CAMK2A: variants seen among roughly 807,000 people sequenced by gnomAD.
CAMK2A encodes calcium/calmodulin-dependent protein kinase type II subunit alpha.
Under a neutral mutation model 79.2 loss-of-function variants are expected in CAMK2A, and 7 were observed. The ratio of observed to expected loss-of-function variants is 0.09; its 90% CI spans 0.05 to 0.17. CAMK2A has a LOEUF of 0.17. CAMK2A is among the 10% of genes least tolerant of loss of function. CAMK2A has a pLI of 1.00. For synonymous variants in CAMK2A, 242 were observed against 251.7 expected, an observed-to-expected ratio of 0.96 and a Z score of 0.36; for missense variants, 214 against 646.4, an observed-to-expected ratio of 0.33 and a Z score of 7.25.
intron 13 of CAMK2A, among the ~76,000 whole-genome samples, chr5:150,244,860 G>A (rs1336530038): frequency 1.3e-5 from 2 of 152,136 alleles, no homozygotes; most frequent in African/African-American, 2.4e-5. Context: ...CAGCCTCGGA[G>A]AACCACAGAA....
intron 16 of CAMK2A, among the ~76,000 whole-genome samples, chr5:150,229,110 C>T (rs1754731646): frequency 1.3e-5 from 2 of 152,200 alleles, no homozygotes; most frequent in South Asian, 4.1e-4. Context: ...ACAAGCAAAG[C>T]TCCCAACCCA....
At chr5:150,270,592 C>A (rs951719662) in intron 2 of CAMK2A, among the ~76,000 whole-genome samples, 4 of 151,998 alleles carry the variant, frequency 2.6e-5, no homozygotes, top group African/African-American at 9.7e-5. Context: ...ATTAACCCCC[C>A]CTCCCCGCCC....
At chr5:150,239,280 T>C (rs956771879) in intron 14 of CAMK2A, among the ~76,000 whole-genome samples, 2 of 152,138 alleles carry the variant, frequency 1.3e-5, no homozygotes, top group Non-Finnish European at 2.9e-5. Context: ...CCGGCGGGCC[T>C]GGTAGCCTTA....
At chr5:150,239,852 T>C (rs1755261589) in intron 13 of CAMK2A, 116 bp from the exon 14 acceptor site, 2 of 864,790 alleles carry the variant, frequency 2.3e-6, no homozygotes, top group Non-Finnish European at 3.9e-6. Flanking sequence ...TCATCCTCTG[T>C]AGTCCTTTGT....
intron 13 of CAMK2A, among the ~76,000 whole-genome samples, chr5:150,241,785 C>T (rs1462096919): frequency 1.3e-5 from 2 of 150,396 alleles, no homozygotes; most frequent in African/African-American, 2.5e-5. Context: ...CCTCTTCCCT[C>T]TCCTCTCCTC....
At chr5:150,258,340 C>G (rs748168118) in intron 3 of CAMK2A, among the ~76,000 whole-genome samples, 9 of 152,206 alleles carry the variant, frequency 5.9e-5, no homozygotes, top group Non-Finnish European at 1.2e-4. Flanking sequence ...CAGTCAAGAG[C>G]AAGTCTCACA....
chr5:150,230,179 G>C (rs1034538045), intron 16 of CAMK2A, among the ~76,000 whole-genome samples: 4 of 152,000 alleles, frequency 2.6e-5, no homozygotes, highest in Non-Finnish European at 5.9e-5. Context: ...TTAGCTGGGC[G>C]TGGTGGCGTG....
intron 8 of CAMK2A, 64 bp downstream of exon 8, chr5:150,251,916 GGA>G: frequency 6.4e-7 from 1 of 1,556,068 alleles, no homozygotes. Context: ...TGATGGGAAA[GGA>G]GAGAGGGGGC....
intron 16 of CAMK2A, among the ~76,000 whole-genome samples, chr5:150,228,493 AGGCC>A (rs771266493): frequency 3.1e-4 from 47 of 152,220 alleles, no homozygotes; most frequent in Non-Finnish European, 5.4e-4. Flanking sequence ...GCCTGGGTTC[AGGCC>A]CTGGCTCTGC....
chr5:150,245,034 AATGTG>A, intron 13 of CAMK2A, 122 bp downstream of exon 13: 1 of 897,288 alleles, frequency 1.1e-6, no homozygotes, highest in Non-Finnish European at 1.7e-6. Flanking sequence ...CCTGGCCACA[AATGTG>A]GCCCACGTCT....
At chr5:150,235,733 C>T (rs556023484) in intron 15 of CAMK2A, among the ~76,000 whole-genome samples, 66 of 152,272 alleles carry the variant, frequency 4.3e-4, no homozygotes, top group African/African-American at 1.4e-3. Context: ...GGACGATGTT[C>T]CCTGGAGGAT....
At chr5:150,270,378 G>A (rs376897225) in intron 2 of CAMK2A, among the ~76,000 whole-genome samples, 174 of 152,174 alleles carry the variant, frequency 1.1e-3, no homozygotes, top group Non-Finnish European at 1.9e-3. Flanking sequence ...TTTATACTAC[G>A]AACATTTTTT....
chr5:150,263,720 A>T (rs1256410037), intron 3 of CAMK2A, among the ~76,000 whole-genome samples: 3 of 152,190 alleles, frequency 2.0e-5, no homozygotes, highest in African/African-American at 7.2e-5. Flanking sequence ...CTCCGTAAGG[A>T]CCATAAGATC....
rs1217582083 is a variant in CAMK2A, at chr5:150,284,215, G to A, written c.62+5349C>T. On this transcript the variant is annotated intron_variant, in intron 1 of 18. Transcript: ENST00000671881. The surrounding 1 kb of genome is among the most constrained non-coding windows in gnomAD (Gnocchi z 5.3). ...AGATGGAGAGAAGAACACAGAGAAAGACAAGCCCTGCTAGCACCATCTTGC... is the reference window on the plus strand; with the variant it reads ...AGATGGAGAGAAGAACACAGAGAAAAACAAGCCCTGCTAGCACCATCTTGC... Among the ~76,000 whole-genome samples the A allele has an allele frequency of 6.6e-6, 1 of 152,216 alleles. No individual in the cohort carries two copies. The highest frequency in any genetic ancestry group is 1.5e-5 in the Non-Finnish European group (1 of 68,046).
chr5:150,231,861 C>G (rs566930381), intron 15 of CAMK2A, among the ~76,000 whole-genome samples: 109 of 152,318 alleles, frequency 7.2e-4, no homozygotes, highest in African/African-American at 2.5e-3. Context: ...AAACCAGCAC[C>G]ACTAAGAAAA....
Position 150,222,338 on chromosome 5 carries a change from AC to A in CAMK2A, c.*371del. The A allele has an allele frequency of 1.6e-6, 1 of 610,150 alleles. No individual in the cohort carries two copies. The highest frequency in any genetic ancestry group is 2.7e-5 in the Admixed American group (1 of 37,314). The allele number at this position is 610,150 out of a possible 1,614,324, so 37.8% of individuals were successfully genotyped here. Reference sequence around the variant, plus strand: ...CGGATGCTGCCTTCCTCATCATGCCACCCCTCCTTCTCCCCAGCCCCTGGTG... The same window carrying A: ...CGGATGCTGCCTTCCTCATCATGCCACCCTCCTTCTCCCCAGCCCCTGGTG... On this transcript the variant is annotated 3_prime_UTR_variant, in exon 19 of 19. Transcript: ENST00000671881.
At chr5:150,271,829 C>T (rs972294619) in intron 2 of CAMK2A, among the ~76,000 whole-genome samples, 18 of 152,218 alleles carry the variant, frequency 1.2e-4, no homozygotes, top group African/African-American at 4.1e-4. Context: ...CAAATTTTAA[C>T]GTCCACAATC....
At chr5:150,252,857 C>T (rs946695573) in intron 7 of CAMK2A, among the ~76,000 whole-genome samples, 18 of 152,182 alleles carry the variant, frequency 1.2e-4, no homozygotes. Flanking sequence ...GCCAAAGTCA[C>T]ATACCTCATA....
chr5:150,264,132 C>T (rs938701862), intron 3 of CAMK2A, among the ~76,000 whole-genome samples: 1 of 152,172 alleles, frequency 6.6e-6, no homozygotes, highest in African/African-American at 2.4e-5. Context: ...GGCTTGGCAT[C>T]AACTCAGAGA....
Sources: allele counts gnomAD v4.1 joint callset (sites outside exome capture counted in the v4.1 genomes callset), GRCh38; gene constraint gnomAD v4.1.1; non-coding constraint Gnocchi (gnomAD v3.1); transcripts MANE v1.5; gene names NCBI Gene and HGNC (gene_info 2026-07-23, HGNC 2026-07-21).